TAFA5: variants seen among roughly 807,000 people sequenced by gnomAD.
TAFA5 encodes chemokine-like protein TAFA-5.
In TAFA5, 6 loss-of-function variants were observed where a neutral mutation model predicts 15.3. The ratio of observed to expected loss-of-function variants is 0.39; its 90% CI spans 0.21 to 0.77. TAFA5 has a LOEUF of 0.77. Among genes scored for constraint, TAFA5 ranks in the 30% least tolerant of loss-of-function variants. The pLI is 0.41. For synonymous variants in TAFA5, 103 were observed against 80.7 expected, an observed-to-expected ratio of 1.28 and a Z score of -1.48; for missense variants, 161 against 193.1, an observed-to-expected ratio of 0.83 and a Z score of 0.98.
chr22:48,673,812 G>A (rs551295259), intron 2 of TAFA5, among the ~76,000 whole-genome samples: 83 of 152,244 alleles, frequency 5.5e-4, no homozygotes, highest in Non-Finnish European at 1.1e-3. Flanking sequence ...CAGAGACACC[G>A]CCTGCTGACC....
chr22:48,593,524 G>T (rs1469633961), intron 1 of TAFA5, among the ~76,000 whole-genome samples: 1 of 152,268 alleles, frequency 6.6e-6, no homozygotes, highest in East Asian at 1.9e-4. Context: ...TGGGGTCGGG[G>T]ATTAGGGACT....
chr22:48,704,993 G>GAGAGAC (rs1190616869), intron 2 of TAFA5, among the ~76,000 whole-genome samples: 4 of 151,846 alleles, frequency 2.6e-5, no homozygotes, highest in Non-Finnish European at 2.9e-5. Context: ...GACAGAGAAA[G>GAGAGAC]AGAGACAGCG....
chr22:48,662,471 G>T (rs1927475806), intron 2 of TAFA5, among the ~76,000 whole-genome samples: 1 of 146,794 alleles, frequency 6.8e-6, no homozygotes, highest in African/African-American at 2.6e-5. Context: ...GGTCGCGTGG[G>T]GAAGTGTGTG....
At chr22:48,638,467 C>T (rs570181686) in intron 1 of TAFA5, among the ~76,000 whole-genome samples, 1 of 118,480 alleles carries the variant, frequency 8.4e-6, no homozygotes, top group Admixed American at 8.5e-5. Flanking sequence ...AGCCCTGGGT[C>T]ACCGCACACA....
chr22:48,669,373 C>A (rs1927729055), intron 2 of TAFA5, among the ~76,000 whole-genome samples: 1 of 152,216 alleles, frequency 6.6e-6, no homozygotes. Flanking sequence ...GAGCCCTTGG[C>A]CCCGGGGTAG....
chr22:48,500,378 A>T (rs1037187729), intron 1 of TAFA5, among the ~76,000 whole-genome samples: 5 of 152,356 alleles, frequency 3.3e-5, no homozygotes, highest in African/African-American at 1.2e-4. Flanking sequence ...CACACAATGA[A>T]GTTGAAACAT....
intron 2 of TAFA5, among the ~76,000 whole-genome samples, chr22:48,697,615 T>TGAC (rs1928757342): frequency 1.2e-5 from 1 of 81,688 alleles, no homozygotes; most frequent in African/African-American, 4.2e-5. Flanking sequence ...GTGGTGATGA[T>TGAC]GGTGATGAAG....
At chr22:48,717,606 G>A (rs929855324) in intron 3 of TAFA5, among the ~76,000 whole-genome samples, 2 of 152,224 alleles carry the variant, frequency 1.3e-5, no homozygotes, top group African/African-American at 2.4e-5. Context: ...AGCTGTGGCC[G>A]AGCCAGCACT....
chr22:48,554,821 T>A (rs1922974396), intron 1 of TAFA5, among the ~76,000 whole-genome samples: 1 of 152,242 alleles, frequency 6.6e-6, no homozygotes, highest in Admixed American at 6.5e-5. Context: ...TGGGTCTCTC[T>A]TTCCCCGAGT....
At chr22:48,631,491 C>T (rs112910279) in intron 1 of TAFA5, among the ~76,000 whole-genome samples, 10 of 152,342 alleles carry the variant, frequency 6.6e-5, no homozygotes, top group African/African-American at 1.7e-4. Context: ...CCCTGCCAGG[C>T]GGCAGCATCC....
In TAFA5 at chr22:48,674,943, G is replaced by GT. The variant is rs60516251; in HGVS notation, c.262+28212dup. Among the ~76,000 whole-genome samples, 620 of 145,254 alleles carry GT rather than the reference G, an allele frequency of 4.3e-3. 1 individual carries two copies. The highest frequency in any genetic ancestry group is 4.3e-3 in the African/African-American group (168 of 39,496). On this transcript the variant is annotated intron_variant, in intron 2 of 3. Coordinates refer to ENST00000402357, the MANE Select transcript of TAFA5 (RefSeq NM_001082967.3). ...GGCCAAACGATTTGCTGTCTGGCCAGTTTTTTTTTTTTTTTGAGATGGAGT... is the reference window on the plus strand; with the variant it reads ...GGCCAAACGATTTGCTGTCTGGCCAGTTTTTTTTTTTTTTTTGAGATGGAGT...
chr22:48,528,314 G>A (rs190699086), intron 1 of TAFA5, among the ~76,000 whole-genome samples: 80 of 152,194 alleles, frequency 5.3e-4, no homozygotes, highest in Admixed American at 5.2e-4. Flanking sequence ...GGCATGAGTC[G>A]GTGCCACCTG....
At chr22:48,526,935 G>A (rs1341890685) in intron 1 of TAFA5, among the ~76,000 whole-genome samples, 1 of 152,210 alleles carries the variant, frequency 6.6e-6, no homozygotes, top group Non-Finnish European at 1.5e-5. Context: ...TCTGAAAGGG[G>A]GAGGATATTG....
At chr22:48,554,327 A>G (rs1487582644) in intron 1 of TAFA5, among the ~76,000 whole-genome samples, 3 of 152,238 alleles carry the variant, frequency 2.0e-5, no homozygotes, top group Non-Finnish European at 4.4e-5. Context: ...AACATTGACA[A>G]TGAAGCTTTC....
Position 48,585,691 on chromosome 22 carries a change from C to T in TAFA5, c.113-60906C>T, listed in dbSNP as rs116233969. On this transcript the variant is annotated intron_variant, in intron 1 of 3. Coordinates refer to ENST00000402357, the MANE Select transcript of TAFA5 (RefSeq NM_001082967.3). ...CCACACACACCACAAACATACACAACGTATACACAGACACAGAATATACCA... is the reference window on the plus strand; with the variant it reads ...CCACACACACCACAAACATACACAATGTATACACAGACACAGAATATACCA... Among the ~76,000 whole-genome samples, 883 of 151,580 alleles carry T rather than the reference C, an allele frequency of 5.8e-3. 5 individuals carry two copies. Among genetic ancestry groups the T allele is most frequent in the African/African-American group, 0.02 (844 of 41,300 alleles).
rs180945416 is a variant in TAFA5 at position 48,688,410 on chromosome 22, A to G, written c.263-19307A>G. 1.6e-3 allele frequency among the ~76,000 whole-genome samples: 246 copies of G among 152,348 alleles called. 1 individual carries two copies. The highest frequency in any genetic ancestry group is 5.8e-3 in the African/African-American group (240 of 41,586). ...CAGATTTTTCTTTTTTGAGTGATTA[A>G]CAGATCAGCACTGAATAGCAAGGAC... On this transcript the variant is annotated intron_variant, in intron 2 of 3. Transcript: ENST00000402357.
At chr22:48,747,698 A>AC (rs1207553332) in intron 3 of TAFA5, among the ~76,000 whole-genome samples, 3 of 152,040 alleles carry the variant, frequency 2.0e-5, no homozygotes, top group African/African-American at 7.3e-5. Flanking sequence ...GGAGTTTGAG[A>AC]CCAGCCCAGC....
chr22:48,744,735 G>A (rs76067440), intron 3 of TAFA5, among the ~76,000 whole-genome samples: 1 of 152,180 alleles, frequency 6.6e-6, no homozygotes, highest in African/African-American at 2.4e-5. Context: ...GCCCTGGGAG[G>A]CAGGGGGCGG....
chr22:48,648,249 A>G (rs1348928628), intron 2 of TAFA5, among the ~76,000 whole-genome samples: 2 of 152,144 alleles, frequency 1.3e-5, no homozygotes, highest in African/African-American at 2.4e-5. Context: ...GGCCCCTGCC[A>G]GGCCTCCCAG....
Sources: allele counts gnomAD v4.1 joint callset (sites outside exome capture counted in the v4.1 genomes callset), GRCh38; gene constraint gnomAD v4.1.1; transcripts MANE v1.5; gene names NCBI Gene and HGNC (gene_info 2026-07-23, HGNC 2026-07-21).